The following VAV2 variants were observed in gnomAD, a reference collection of about 807,000 sequenced individuals.
The protein encoded by VAV2 is vav guanine nucleotide exchange factor 2, also known as guanine nucleotide exchange factor VAV2.
In VAV2, 67 loss-of-function variants were observed where a neutral mutation model predicts 132.5. That is an observed-to-expected ratio of 0.51 (90% CI 0.42 to 0.62). The LOEUF (loss-of-function observed/expected upper bound fraction) is 0.62. Ranked by LOEUF, VAV2 falls within the 20% of genes least tolerant of loss-of-function variation. The pLI, the probability that VAV2 is intolerant of heterozygous loss-of-function variation, is 0.00. For synonymous variants in VAV2, 492 were observed against 443.5 expected (o/e 1.11, Z -1.37); for missense variants, 938 against 1,153.6 (o/e 0.81, Z 2.71).
chr9:133,947,137 C>T (rs1841387599), intron 1 of VAV2, among the ~76,000 whole-genome samples: 1 of 152,194 alleles, frequency 6.6e-6, no homozygotes, highest in Non-Finnish European at 1.5e-5. Context: ...TCAGGGGCCC[C>T]CAAGGACAGC....
rs1227051870 is a variant in VAV2 at position 133,834,250 on chromosome 9, T to C, written c.449+22A>G. On this transcript the variant is annotated intron_variant, in intron 4 of 29. Transcript: ENST00000371850. The surrounding 1 kb of genome is among the most constrained non-coding windows in gnomAD (Gnocchi z 5.9). ...CCTGCCCCTCCCTCCTCTCCATCCCTCCTCCCATCCCCCCGCCTTACTCGG... is the reference window on the plus strand; with the variant it reads ...CCTGCCCCTCCCTCCTCTCCATCCCCCCTCCCATCCCCCCGCCTTACTCGG... 3.7e-6 allele frequency: 5 copies of C among 1,359,432 alleles called. No individual in the cohort carries two copies. The East Asian group carries it at 1.4e-4, about 37-fold the overall frequency. 84.2% of individuals were successfully genotyped at this position (1,359,432 alleles called of 1,614,324 possible). A position where few individuals can be genotyped will look rare whatever the true frequency, so the allele number is the denominator to read the frequency against.
chr9:133,890,508 C>G (rs1222499821), intron 2 of VAV2, among the ~76,000 whole-genome samples: 2 of 152,132 alleles, frequency 1.3e-5, no homozygotes, highest in Non-Finnish European at 2.9e-5. Flanking sequence ...CTAGCTGGAG[C>G]AAAGACGACC....
rs1839917444 is a variant in VAV2, at chr9:133,912,429, G to A, written c.321+26674C>T. On this transcript the variant is annotated intron_variant, in intron 2 of 29. Transcript: ENST00000371850. The surrounding 1 kb of genome is among the most constrained non-coding windows in gnomAD (Gnocchi z 4.3). Reference sequence around the variant, plus strand: ...CTGGAGGACAGTGTGCCTAGATGAAGGAACCAGGACGCAGTGGCGCTTTTC... The same window carrying A: ...CTGGAGGACAGTGTGCCTAGATGAAAGAACCAGGACGCAGTGGCGCTTTTC... Among the ~76,000 whole-genome samples the A allele has an allele frequency of 6.6e-6, 1 of 152,168 alleles. No individual in the cohort carries two copies. The highest frequency in any genetic ancestry group is 2.4e-5 in the African/African-American group (1 of 41,426).
intron 27 of VAV2, among the ~76,000 whole-genome samples, chr9:133,770,176 A>G (rs1310435958): frequency 6.6e-6 from 1 of 152,206 alleles, no homozygotes; most frequent in Non-Finnish European, 1.5e-5. Flanking sequence ...AATTCTGAGC[A>G]GGTGCAGAGT....
intron 2 of VAV2, 119 bp from the exon 3 acceptor site, chr9:133,861,551 G>C: frequency 5.5e-6 from 6 of 1,089,446 alleles, no homozygotes; most frequent in Non-Finnish European, 7.7e-6. Context: ...ATCGCATCTG[G>C]GTAAGAAACA....
rs1371930527 is a variant in VAV2, at chr9:133,804,749, C to T, written c.836+1332G>A. Among the ~76,000 whole-genome samples, 1 of 152,224 alleles carries T rather than the reference C, an allele frequency of 6.6e-6. No individual in the cohort carries two copies. Among genetic ancestry groups the T allele is most frequent in the Non-Finnish European group, 1.5e-5 (1 of 68,040 alleles). ...ACCTGCCAGCCGGGCACTATCAGCT[C>T]ACCCACAGATGAAGGGAACACCTTG... On this transcript the variant is annotated intron_variant, in intron 9 of 29. Coordinates refer to ENST00000371850, the MANE Select transcript of VAV2 (RefSeq NM_001134398.2). This position sits in a 1 kb window ranked among gnomAD's most constrained non-coding sequence, Gnocchi z 4.5.
At chr9:133,795,634 G>A in intron 12 of VAV2, 34 bp downstream of exon 12, 2 of 1,611,936 alleles carry the variant, frequency 1.2e-6, no homozygotes, top group Non-Finnish European at 1.7e-6. Flanking sequence ...AAGCCAGACG[G>A]TGGCTTCTCC....
chr9:133,855,655 A>G (rs1837357011), intron 3 of VAV2, among the ~76,000 whole-genome samples: 1 of 152,222 alleles, frequency 6.6e-6, no homozygotes, highest in Admixed American at 6.5e-5. Context: ...CCCCCCGCAC[A>G]TGGGAAGACC....
At chr9:133,803,687 C>G (rs564140828) in intron 9 of VAV2, among the ~76,000 whole-genome samples, 2 of 152,318 alleles carry the variant, frequency 1.3e-5, no homozygotes, top group Non-Finnish European at 2.9e-5. Flanking sequence ...CACTCAGTGC[C>G]GATCATGCCA....
chr9:133,816,034 G>A (rs962530077), intron 4 of VAV2, among the ~76,000 whole-genome samples: 8 of 152,346 alleles, frequency 5.3e-5, no homozygotes, highest in African/African-American at 1.9e-4. Flanking sequence ...TCAGCCCCCA[G>A]AGTGCGTGTG....
Position 133,764,015 on chromosome 9 carries a change from A to G in VAV2, c.*47T>C. ...AGCTAGAGACAGACTTCAGGGCTGG[A>G]GTGACTCTCCCAAGAAAATCTGCGA... On this transcript the variant is annotated 3_prime_UTR_variant, in exon 30 of 30. Coordinates refer to ENST00000371850, the MANE Select transcript of VAV2 (RefSeq NM_001134398.2). 1 of 1,610,914 alleles carries G rather than the reference A, an allele frequency of 6.2e-7. No homozygotes were observed. Among genetic ancestry groups the G allele is most frequent in the Non-Finnish European group, 8.5e-7 (1 of 1,177,154 alleles).
chr9:133,847,573 T>C (rs894009113), intron 3 of VAV2, among the ~76,000 whole-genome samples: 2 of 152,110 alleles, frequency 1.3e-5, no homozygotes, highest in African/African-American at 4.8e-5. Flanking sequence ...GGCCAGGGGC[T>C]CCATGCCTAG....
intron 2 of VAV2, among the ~76,000 whole-genome samples, chr9:133,905,579 T>C (rs1048210313): frequency 6.6e-6 from 1 of 152,126 alleles, no homozygotes; most frequent in Non-Finnish European, 1.5e-5. Context: ...CGACTGCCAT[T>C]GCCCTTCCTT....
chr9:133,784,193 T>C (rs1470411462), intron 18 of VAV2, 124 bp downstream of exon 18: 8 of 1,051,404 alleles, frequency 7.6e-6, no homozygotes, highest in Non-Finnish European at 1.5e-6. Context: ...TCTTGTGGGG[T>C]ATACTCCCTT....
rs1387856513 is a variant in VAV2 at position 133,919,559 on chromosome 9, C to T, written c.321+19544G>A. On this transcript the variant is annotated intron_variant, in intron 2 of 29. Transcript: ENST00000371850. This position sits in a 1 kb window ranked among gnomAD's most constrained non-coding sequence, Gnocchi z 5.8. The stretch of plus-strand genomic sequence containing the variant: ...GTTCTAAGCCACGGGTCAAGGGCTG[C>T]CCACTCAGCAAGGGAAGCCACCAGG... 6.6e-6 allele frequency among the ~76,000 whole-genome samples: 1 copy of T among 152,222 alleles called. No homozygotes were observed. The highest frequency in any genetic ancestry group is 2.4e-5 in the African/African-American group (1 of 41,454).
At chr9:133,899,409 TTTTA>T (rs973619691) in intron 2 of VAV2, among the ~76,000 whole-genome samples, 13 of 151,378 alleles carry the variant, frequency 8.6e-5, no homozygotes, top group Admixed American at 4.6e-4. Flanking sequence ...ATTTAATATA[TTTTA>T]TTTATTTATT....
chr9:133,971,857 C>T (rs1283902324), intron 1 of VAV2, among the ~76,000 whole-genome samples: 1 of 152,158 alleles, frequency 6.6e-6, no homozygotes, highest in African/African-American at 2.4e-5. Context: ...CCAACAGCAT[C>T]CCCGTAGAGT....
chr9:133,869,677 C>T (rs1332456305), intron 2 of VAV2, among the ~76,000 whole-genome samples: 1 of 152,130 alleles, frequency 6.6e-6, no homozygotes, highest in Non-Finnish European at 1.5e-5. Context: ...GATGAGCCAT[C>T]CGCCGACCCA....
At chr9:133,968,514 A>G (rs1842220243) in intron 1 of VAV2, among the ~76,000 whole-genome samples, 1 of 152,156 alleles carries the variant, frequency 6.6e-6, no homozygotes, top group Non-Finnish European at 1.5e-5. Flanking sequence ...GAAGAGGAAG[A>G]GAAACGCGCT....
Sources: gnomAD v4.1 joint callset for allele counts (sites outside exome capture counted in the v4.1 genomes callset) on GRCh38, gnomAD v4.1.1 for gene constraint, Gnocchi (gnomAD v3.1) non-coding constraint, MANE v1.5 for transcripts, NCBI Gene and HGNC (gene_info 2026-07-23, HGNC 2026-07-21) for gene names.